The following CKAP2L variants were observed in gnomAD, a reference collection of about 807,000 sequenced individuals.
CKAP2L encodes the protein cytoskeleton-associated protein 2-like.
In CKAP2L, 42 loss-of-function variants were observed where a neutral mutation model predicts 65.7. The ratio of observed to expected loss-of-function variants is 0.64; its 90% CI spans 0.50 to 0.83. The LOEUF (loss-of-function observed/expected upper bound fraction) is 0.83. Among genes scored for constraint, CKAP2L ranks in the 40% least tolerant of loss-of-function variants. The pLI is 0.00. For synonymous variants in CKAP2L, 325 were observed against 313.5 expected (o/e 1.04, Z -0.39); for missense variants, 908 against 871.0 (o/e 1.04, Z -0.53).
intron 8 of CKAP2L, 94 bp downstream of exon 8, chr2:112,740,724 C>T: frequency 2.0e-6 from 2 of 981,392 alleles, no homozygotes; most frequent in South Asian, 3.2e-5. Flanking sequence ...CACTGCAGGT[C>T]AGGTCTCAGT....
At chr2:112,742,489 TG>T (rs1308250504) in intron 7 of CKAP2L, 1 of 718,186 alleles carries the variant, frequency 1.4e-6, no homozygotes, top group African/African-American at 1.7e-5. Context: ...TAGGCTGTTT[TG>T]GTGGAAACAA....
rs1680530919 is a variant in CKAP2L at position 112,756,281 on chromosome 2, G to C, written c.1090C>G (p.Gln364Glu). The change falls in exon 4 of 9, where the codon CAG (glutamine) becomes GAG (glutamate). Residue 364 changes from glutamine (Q) to glutamate (E), a missense_variant. By Grantham distance (29) the Gln-to-Glu change is conservative. Coordinates refer to ENST00000302450, the MANE Select transcript of CKAP2L (RefSeq NM_152515.5). ...GACTTTTGCAGTACACATGATGTCTGAGGTATACAAACTTGGCTGGACTTC... is the reference window on the plus strand; with the variant it reads ...GACTTTTGCAGTACACATGATGTCTCAGGTATACAAACTTGGCTGGACTTC... ...DQKSSQVCIP[Q>E]TSCVLQKSKA... 1 of 1,614,102 alleles carries C rather than the reference G, an allele frequency of 6.2e-7. No individual in the cohort carries two copies. The highest frequency in any genetic ancestry group is 8.5e-7 in the Non-Finnish European group (1 of 1,179,984).
At chr2:112,757,337 T>C (rs542540608) in intron 3 of CKAP2L, 123 bp from the exon 4 acceptor site, 86 of 714,108 alleles carry the variant, frequency 1.2e-4, no homozygotes, top group African/African-American at 1.1e-3. Flanking sequence ...TCTAAGAAAG[T>C]TGAATCCTCA....
At chr2:112,752,900 T>C (rs1189382486) in intron 4 of CKAP2L, among the ~76,000 whole-genome samples, 8 of 152,230 alleles carry the variant, frequency 5.3e-5, no homozygotes, top group Admixed American at 5.2e-4. Flanking sequence ...AATAAGGTCT[T>C]GGTGTGTAAA....
chr2:112,747,568 A>C (rs1359634836), intron 5 of CKAP2L, among the ~76,000 whole-genome samples: 1 of 152,316 alleles, frequency 6.6e-6, no homozygotes, highest in East Asian at 1.9e-4. Flanking sequence ...AGATAATTTG[A>C]AATGGATTCA....
At chr2:112,745,935 G>A (rs1680187143) in intron 6 of CKAP2L, among the ~76,000 whole-genome samples, 1 of 152,034 alleles carries the variant, frequency 6.6e-6, no homozygotes, top group Non-Finnish European at 1.5e-5. Flanking sequence ...AAACTATAGA[G>A]GTTAATATAA....
rs759880871 is a variant in CKAP2L at position 112,756,729 on chromosome 2, A to G, written c.642T>C (p.Tyr214=). The change falls in exon 4 of 9, where the codon TAT becomes TAC. Residue 214 remains tyrosine, a synonymous_variant. Coordinates refer to ENST00000302450, the MANE Select transcript of CKAP2L (RefSeq NM_152515.5). ...GAACTAAACTGTTCTTGGTTTGATT[A>G]TAAGAGTCAGTCTTTGGCTTACTTC... ...YTRSKPKTDS[Y]NQTKNSLVPK... 5.0e-6 allele frequency: 8 copies of G among 1,596,576 alleles called. No homozygotes were observed. In the Middle Eastern group the frequency reaches 5.0e-4, roughly 100 times the overall value.
rs753907689 is a variant in CKAP2L at position 112,756,467 on chromosome 2, C to A, written c.904G>T (p.Asp302Tyr). The A allele has an allele frequency of 6.2e-7, 1 of 1,611,666 alleles. No individual in the cohort carries two copies. The highest frequency in any genetic ancestry group is 8.5e-7 in the Non-Finnish European group (1 of 1,179,214). The stretch of plus-strand genomic sequence containing the variant: ...TATTGACTCCTATTAACCTTTATAT[C>A]TTTGATGTTCTTGACTACTGGTTTC... ...SKKPVVKNIK[D>Y]IKVNRSQYER... is the part of the protein sequence containing the mutation. The change falls in exon 4 of 9, where the codon GAT becomes TAT. Residue 302 changes from aspartate (D) to tyrosine (Y), a missense_variant. Asp to Tyr is a radical substitution (Grantham distance 160). Coordinates refer to ENST00000302450, the MANE Select transcript of CKAP2L (RefSeq NM_152515.5).
chr2:112,760,779 T>G lies in CKAP2L; in HGVS notation c.105-15A>C, dbSNP rs751558808. 3.6e-6 allele frequency: 5 copies of G among 1,379,090 alleles called. No individual in the cohort carries two copies. Among genetic ancestry groups the G allele is most frequent in the Non-Finnish European group, 5.1e-6 (5 of 984,302 alleles). 85.4% of individuals were successfully genotyped at this position (1,379,090 alleles called of 1,614,324 possible). On this transcript the variant is annotated splice_polypyrimidine_tract_variant and intron_variant, in intron 2 of 8. Transcript: ENST00000302450. ...TTAGATAAGGCCTATAAAAGACAAA[T>G]TAAAATTAATCCTCAGCACAGAAGG...
chr2:112,750,690 G>C (rs1680346688), intron 5 of CKAP2L, among the ~76,000 whole-genome samples: 2 of 151,768 alleles, frequency 1.3e-5, no homozygotes, highest in South Asian at 4.1e-4. Context: ...TTGTTTTTCA[G>C]ACTTGATCCT....
Position 112,746,483 on chromosome 2 carries a change from C to T in CKAP2L, c.1695G>A (p.Leu565=). The change falls in exon 6 of 9, where the codon TTG becomes TTA. Residue 565 remains leucine (L), a synonymous_variant. Coordinates refer to ENST00000302450, the MANE Select transcript of CKAP2L (RefSeq NM_152515.5). ...AKFWICKAKL[L]ASKGTFDVIG... is the part of the protein sequence containing the mutation. ...TAACATCAAAGGTGCCTTTACTTGCCAACAACTTTGCTTTGCAGATCCAGA... is the reference window on the plus strand; with the variant it reads ...TAACATCAAAGGTGCCTTTACTTGCTAACAACTTTGCTTTGCAGATCCAGA... 6.2e-7 allele frequency: 1 copy of T among 1,613,218 alleles called. No individual in the cohort carries two copies. Among genetic ancestry groups the T allele is most frequent in the Non-Finnish European group, 8.5e-7 (1 of 1,179,404 alleles).
chr2:112,759,135 T>C (rs963219035), intron 3 of CKAP2L, among the ~76,000 whole-genome samples: 1 of 152,226 alleles, frequency 6.6e-6, no homozygotes, highest in African/African-American at 2.4e-5. Flanking sequence ...CACAGCAAAA[T>C]TAATAATAGT....
intron 4 of CKAP2L, among the ~76,000 whole-genome samples, chr2:112,753,029 C>A (rs546540580): frequency 3.3e-5 from 5 of 152,278 alleles, no homozygotes; most frequent in African/African-American, 9.6e-5. Context: ...AAGTGTCCCC[C>A]ACTGTTCACA....
chr2:112,738,796 A>G lies in CKAP2L; in HGVS notation c.*27T>C. On this transcript the variant is annotated 3_prime_UTR_variant, in exon 9 of 9. Coordinates refer to ENST00000302450, the MANE Select transcript of CKAP2L (RefSeq NM_152515.5). ...TCTTGTCTTATGTTGGTTCTGAAAC[A>G]CCTTTTTTAAAAAAAGCATCAAGAA... 2 of 1,459,440 alleles carry G rather than the reference A, an allele frequency of 1.4e-6. No individual in the cohort carries two copies. The highest frequency in any genetic ancestry group is 1.9e-6 in the Non-Finnish European group (2 of 1,040,440). 90.4% of individuals were successfully genotyped at this position (1,459,440 alleles called of 1,614,324 possible).
intron 6 of CKAP2L, among the ~76,000 whole-genome samples, chr2:112,745,384 ATT>A (rs1350390339): frequency 7.6e-5 from 11 of 143,894 alleles, no homozygotes; most frequent in Non-Finnish European, 9.2e-5. Flanking sequence ...ATATTCATGT[ATT>A]TTTTTTTTTT....
chr2:112,759,753 CAT>C (rs777209728), intron 3 of CKAP2L, among the ~76,000 whole-genome samples: 2 of 152,108 alleles, frequency 1.3e-5, no homozygotes, highest in Admixed American at 6.5e-5. Context: ...ATACATACAA[CAT>C]ATATATGTCT....
chr2:112,762,646 G>T, intron 1 of CKAP2L, 77 bp from the exon 2 acceptor site: 1 of 1,204,080 alleles, frequency 8.3e-7, no homozygotes, highest in South Asian at 1.2e-5. Flanking sequence ...TCTAAAAGAT[G>T]ACACTTTTCT....
chr2:112,739,072 T>C (rs1558750443), intron 8 of CKAP2L, 24 bp from the exon 9 acceptor site: 2 of 1,521,270 alleles, frequency 1.3e-6, no homozygotes, highest in South Asian at 2.4e-5. Context: ...AGAGATGCAT[T>C]AAAAACCTTA....
intron 4 of CKAP2L, among the ~76,000 whole-genome samples, chr2:112,753,487 AC>A (rs910887108): frequency 3.2e-5 from 4 of 126,298 alleles, no homozygotes; most frequent in African/African-American, 6.0e-5. Context: ...CCTGTCACTC[AC>A]CCCCTCCAGG....
Sources: gnomAD v4.1 joint callset for allele counts (sites outside exome capture counted in the v4.1 genomes callset) on GRCh38, gnomAD v4.1.1 for gene constraint, MANE v1.5 for transcripts, NCBI Gene and HGNC (gene_info 2026-07-23, HGNC 2026-07-21) for gene names.